The following CHLSN variants were observed in gnomAD, a reference collection of about 807,000 sequenced individuals.
The protein encoded by CHLSN is protein cholesin.
chr7:1,087,785 G>A, the CHLSN span, among the ~76,000 whole-genome samples: 2 of 152,190 alleles, frequency 1.3e-5, no homozygotes, highest in Non-Finnish European at 2.9e-5. Flanking sequence ...AGTGTTTAAC[G>A]CAGGTCAGTT....
chr7:1,009,402 G>A, the CHLSN span, among the ~76,000 whole-genome samples: 1 of 152,176 alleles, frequency 6.6e-6, no homozygotes, highest in Admixed American at 6.5e-5. Context: ...CCGCAAGGCT[G>A]TGGAGCCCAC....
the CHLSN span, among the ~76,000 whole-genome samples, chr7:1,012,899 A>G: frequency 3.3e-5 from 5 of 152,326 alleles, no homozygotes; most frequent in Admixed American, 6.5e-5. Flanking sequence ...GGACCAGGCA[A>G]TTCCCCAAGG....
the CHLSN span, among the ~76,000 whole-genome samples, chr7:1,136,574 A>ATATGTG: frequency 3.6e-5 from 1 of 28,000 alleles, no homozygotes; most frequent in African/African-American, 7.3e-5. Flanking sequence ...ATATAAACAT[A>ATATGTG]AACATATATA....
At chr7:986,977 C>A in the CHLSN span, 1 of 1,358,576 alleles carries the variant, frequency 7.4e-7, no homozygotes, top group Non-Finnish European at 9.7e-7. Flanking sequence ...GTGCCTGCCT[C>A]GGGGACGCTG....
At chr7:1,009,078 A>G in the CHLSN span, among the ~76,000 whole-genome samples, 20 of 142,720 alleles carry the variant, frequency 1.4e-4, no homozygotes, top group Non-Finnish European at 3.0e-4. Context: ...CAGCGTGCAC[A>G]TCCACGCAGG....
At chr7:1,119,780 G>C in the CHLSN span, among the ~76,000 whole-genome samples, 7 of 151,974 alleles carry the variant, frequency 4.6e-5, no homozygotes, top group African/African-American at 1.7e-4. Context: ...GGGAGGCTGA[G>C]AGAGGAGAAT....
the CHLSN span, among the ~76,000 whole-genome samples, chr7:1,126,660 G>A: frequency 3.3e-5 from 5 of 151,994 alleles, no homozygotes; most frequent in African/African-American, 7.3e-5. Flanking sequence ...CAGCCTGGGC[G>A]ACAGAGACTG....
the CHLSN span, among the ~76,000 whole-genome samples, chr7:1,099,091 C>T: frequency 7.8e-5 from 11 of 141,338 alleles, no homozygotes; most frequent in Non-Finnish European, 1.1e-4. Context: ...GTTCTTGCAG[C>T]GGCCTCCCCT....
the CHLSN span, among the ~76,000 whole-genome samples, chr7:982,549 T>C: frequency 3.9e-5 from 6 of 152,186 alleles, no homozygotes; most frequent in East Asian, 1.9e-4. Context: ...GCTCAGAGGG[T>C]TGCATCCCCT....
At chr7:1,024,195 C>G in the CHLSN span, among the ~76,000 whole-genome samples, 1 of 152,176 alleles carries the variant, frequency 6.6e-6, no homozygotes, top group African/African-American at 2.4e-5. Context: ...GTGCACAGCC[C>G]CCACTTTCTT....
At chr7:997,588 C>T in the CHLSN span, 107 of 1,477,076 alleles carry the variant, frequency 7.2e-5, 1 homozygote, top group East Asian at 2.8e-3. Context: ...TGAGGCAGCC[C>T]TGCACTGGGC....
chr7:1,112,886 C>T, the CHLSN span, among the ~76,000 whole-genome samples: 12 of 152,282 alleles, frequency 7.9e-5, no homozygotes, highest in Admixed American at 2.6e-4. Context: ...GTCCTGGGCA[C>T]TTACCCCAGA....
chr7:1,060,282 C>A, the CHLSN span, among the ~76,000 whole-genome samples: 143 of 152,258 alleles, frequency 9.4e-4, 2 homozygotes, highest in African/African-American at 3.3e-3. Flanking sequence ...GGAAGATGTT[C>A]CCCCCAAGTT....
the CHLSN span, among the ~76,000 whole-genome samples, chr7:1,016,655 A>G: frequency 1.0e-4 from 7 of 66,926 alleles, 1 homozygote; most frequent in African/African-American, 2.6e-4. Context: ...ACAGCAGCAC[A>G]CAGCAGCGCA....
At chr7:1,096,857 A>G in the CHLSN span, among the ~76,000 whole-genome samples, 1 of 152,054 alleles carries the variant, frequency 6.6e-6, no homozygotes, top group Non-Finnish European at 1.5e-5. This position sits in a 1 kb window ranked among gnomAD's most constrained non-coding sequence, Gnocchi z 4.6. Context: ...TCACGCGCCC[A>G]CTCACCTGCA....
the CHLSN span, chr7:1,058,538 A>G: frequency 1.3e-6 from 1 of 766,954 alleles, no homozygotes; most frequent in Non-Finnish European, 2.4e-6. Flanking sequence ...CCTCCTGGGG[A>G]GACGTGACTC....
the CHLSN span, among the ~76,000 whole-genome samples, chr7:1,006,300 A>G: frequency 6.6e-6 from 1 of 152,324 alleles, no homozygotes; most frequent in East Asian, 1.9e-4. Flanking sequence ...GCACAGGGAA[A>G]GAGCACACGA....
the CHLSN span, among the ~76,000 whole-genome samples, chr7:1,008,427 A>G: frequency 6.6e-6 from 1 of 152,182 alleles, no homozygotes; most frequent in Admixed American, 6.5e-5. Context: ...GCGTTCTTGG[A>G]GCAAGAAAGA....
At chr7:1,005,311 A>G in the CHLSN span, among the ~76,000 whole-genome samples, 1 of 152,150 alleles carries the variant, frequency 6.6e-6, no homozygotes, top group Non-Finnish European at 1.5e-5. Context: ...ATCAACCCAC[A>G]AAAAGCGGGG....
Sources: gnomAD v4.1 joint callset for allele counts (sites outside exome capture counted in the v4.1 genomes callset) on GRCh38, gnomAD v4.1.1 for gene constraint, Gnocchi (gnomAD v3.1) non-coding constraint, MANE v1.5 for transcripts, NCBI Gene and HGNC (gene_info 2026-07-23, HGNC 2026-07-21) for gene names.